ADAMTSL1: variants seen among roughly 807,000 people sequenced by gnomAD.
The protein encoded by ADAMTSL1 is ADAMTS-like protein 1.
Under a neutral mutation model 201.8 loss-of-function variants are expected in ADAMTSL1, and 126 were observed. The ratio of observed to expected loss-of-function variants is 0.62; its 90% confidence interval spans 0.54 to 0.72. ADAMTSL1 has a LOEUF of 0.72. ADAMTSL1 is among the 30% of genes least tolerant of loss of function. ADAMTSL1 has a pLI of 0.00. For synonymous variants in ADAMTSL1, 1,121 were observed against 903.4 expected, an observed-to-expected ratio of 1.24 and a Z score of -4.32; for missense variants, 2,679 against 2,277.8, an observed-to-expected ratio of 1.18 and a Z score of -3.59.
rs567204876 is a variant in ADAMTSL1 at position 18,010,612 on chromosome 9, C to T, written c.87+103690C>T. Among the ~76,000 whole-genome samples, 20 of 152,040 alleles carry T rather than the reference C, an allele frequency of 1.3e-4. 1 individual carries two copies. Among genetic ancestry groups the T allele is most frequent in the African/African-American group, 4.6e-4 (19 of 41,538 alleles). The stretch of plus-strand genomic sequence containing the variant: ...TGGGAAGTTAGAGAAGAGGAAACCC[C>T]TAAGTATCGTCAGTGCTGTTCTTGT... On this transcript the variant is annotated intron_variant, in intron 1 of 29. Coordinates refer to the ADAMTSL1 transcript ENST00000680146.
chr9:18,840,815 A>T (rs1232691260), intron 23 of ADAMTSL1, among the ~76,000 whole-genome samples: 3 of 148,990 alleles, frequency 2.0e-5, no homozygotes, highest in African/African-American at 7.4e-5. Flanking sequence ...ATGGGAGTTC[A>T]CTCATGATTT....
chr9:17,982,788 A>C (rs896511750), intron 1 of ADAMTSL1, among the ~76,000 whole-genome samples: 1 of 152,068 alleles, frequency 6.6e-6, no homozygotes, highest in East Asian at 1.9e-4. Context: ...GAAGCATTCA[A>C]TCTTATTGCT....
At chr9:18,444,225 T>A (rs2133467353) in intron 2 of ADAMTSL1, among the ~76,000 whole-genome samples, 1 of 152,288 alleles carries the variant, frequency 6.6e-6, no homozygotes, top group East Asian at 1.9e-4. Flanking sequence ...AAAGAAAAAA[T>A]TATTGAGAAA....
At chr9:18,087,191 C>T (rs1236762600) in intron 1 of ADAMTSL1, among the ~76,000 whole-genome samples, 1 of 152,030 alleles carries the variant, frequency 6.6e-6, no homozygotes, top group Non-Finnish European at 1.5e-5. Flanking sequence ...CTTTTCTTTT[C>T]TCCCTCCCTA....
intron 2 of ADAMTSL1, among the ~76,000 whole-genome samples, chr9:18,404,871 C>A (rs894964079): frequency 9.2e-5 from 14 of 152,136 alleles, no homozygotes; most frequent in African/African-American, 3.1e-4. Flanking sequence ...TCCACTTCCC[C>A]TTTTTCCAGG....
At chr9:18,705,567 C>T (rs890164095) in intron 13 of ADAMTSL1, among the ~76,000 whole-genome samples, 4 of 152,164 alleles carry the variant, frequency 2.6e-5, no homozygotes, top group Non-Finnish European at 5.9e-5. Flanking sequence ...GCACACTTGT[C>T]TGAATGCAAA....
intron 1 of ADAMTSL1, among the ~76,000 whole-genome samples, chr9:17,928,629 G>C (rs1826651688): frequency 6.6e-6 from 1 of 152,098 alleles, no homozygotes; most frequent in African/African-American, 2.4e-5. Flanking sequence ...TATGTGTTCT[G>C]TCAGGCATGG....
chr9:18,374,606 T>C (rs1373921694), intron 2 of ADAMTSL1, among the ~76,000 whole-genome samples: 1 of 152,150 alleles, frequency 6.6e-6, no homozygotes, highest in African/African-American at 2.4e-5. Flanking sequence ...AATGCTAGGA[T>C]TACAAGCATG....
intron 2 of ADAMTSL1, among the ~76,000 whole-genome samples, chr9:18,179,173 G>C (rs974346759): frequency 2.0e-5 from 3 of 152,106 alleles, no homozygotes; most frequent in African/African-American, 7.2e-5. Context: ...ATACAGAGAA[G>C]TGCTTAAAGG....
intron 2 of ADAMTSL1, among the ~76,000 whole-genome samples, chr9:18,301,139 T>C (rs1262618199): frequency 6.6e-6 from 1 of 152,164 alleles, no homozygotes; most frequent in Admixed American, 6.5e-5. Flanking sequence ...CTTTTAATTG[T>C]AAGATGCACC....
chr9:18,030,832 C>A (rs1425438434), intron 1 of ADAMTSL1, among the ~76,000 whole-genome samples: 4 of 152,084 alleles, frequency 2.6e-5, no homozygotes, highest in African/African-American at 9.7e-5. Flanking sequence ...TACATAATCC[C>A]ATATTTTTGG....
chr9:18,062,087 G>A (rs1205659134), intron 1 of ADAMTSL1, among the ~76,000 whole-genome samples: 19 of 152,072 alleles, frequency 1.2e-4, no homozygotes, highest in African/African-American at 3.4e-4. Context: ...CTCAATGGTC[G>A]ACTTAAAAAA....
intron 1 of ADAMTSL1, among the ~76,000 whole-genome samples, chr9:17,960,883 C>A (rs531593627): frequency 6.6e-6 from 1 of 152,184 alleles, no homozygotes; most frequent in Admixed American, 6.5e-5. Flanking sequence ...TATGTCAGGT[C>A]TCTGGACTGT....
intron 2 of ADAMTSL1, among the ~76,000 whole-genome samples, chr9:18,418,664 C>T (rs1818801977): frequency 6.6e-6 from 1 of 152,044 alleles, no homozygotes; most frequent in Non-Finnish European, 1.5e-5. Context: ...ATGCCAAAAA[C>T]TAAAAAATGC....
intron 2 of ADAMTSL1, among the ~76,000 whole-genome samples, chr9:18,210,434 T>G (rs1463689185): frequency 7.3e-6 from 1 of 136,602 alleles, no homozygotes; most frequent in East Asian, 1.9e-4. Flanking sequence ...AATAAATATA[T>G]TATGTATGAT....
intron 9 of ADAMTSL1, among the ~76,000 whole-genome samples, chr9:18,668,040 A>C (rs1829568712): frequency 6.6e-6 from 1 of 152,198 alleles, no homozygotes; most frequent in Admixed American, 6.5e-5. Context: ...GTCTCCAAAA[A>C]AAAAACTCAG....
intron 2 of ADAMTSL1, among the ~76,000 whole-genome samples, chr9:18,348,124 A>C (rs1835805107): frequency 6.6e-6 from 1 of 152,184 alleles, no homozygotes; most frequent in African/African-American, 2.4e-5. Context: ...AGCTTCTCAC[A>C]CTTACTAATC....
intron 2 of ADAMTSL1, among the ~76,000 whole-genome samples, chr9:18,257,652 T>G (rs1257106095): frequency 3.9e-5 from 6 of 152,192 alleles, no homozygotes; most frequent in Non-Finnish European, 1.5e-5. Context: ...ACAGAATTAC[T>G]TTATCATCCA....
At chr9:17,945,737 A>T (rs1266650299) in intron 1 of ADAMTSL1, among the ~76,000 whole-genome samples, 1 of 148,402 alleles carries the variant, frequency 6.7e-6, no homozygotes, top group Admixed American at 6.9e-5. Context: ...AACACCGCAT[A>T]TTCTCACTCA....
Sources: allele counts gnomAD v4.1 joint callset (sites outside exome capture counted in the v4.1 genomes callset), GRCh38; gene constraint gnomAD v4.1.1; transcripts MANE v1.5; gene names NCBI Gene and HGNC (gene_info 2026-07-23, HGNC 2026-07-21).